The following ASTL variants were observed in gnomAD, a reference collection of about 807,000 sequenced individuals.
The protein encoded by ASTL is astacin like metalloendopeptidase.
In ASTL, 27 loss-of-function variants were observed where a neutral mutation model predicts 36.7. That is an observed-to-expected ratio of 0.73 (90% CI 0.54 to 1.01). The LOEUF (loss-of-function observed/expected upper bound fraction) is 1.01, where lower values mean the gene tolerates loss of function less well. ASTL is among the 50% of genes least tolerant of loss of function. The pLI, the probability that ASTL is intolerant of heterozygous loss-of-function variation, is 0.00. For missense variants in ASTL, 524 were observed against 572.8 expected, an observed-to-expected ratio of 0.91 and a Z score of 0.87; for synonymous variants, 222 against 228.1, an observed-to-expected ratio of 0.97 and a Z score of 0.24.
rs1465894655 is a variant in ASTL at position 96,133,425 on chromosome 2, C to T, written c.455G>A (p.Gly152Glu). The T allele has an allele frequency of 1.3e-6, 2 of 1,591,296 alleles. No homozygotes were observed. The highest frequency in any genetic ancestry group is 2.7e-5 in the African/African-American group (2 of 74,442). ...RDFISIIPMY[G>E]CFSSVGRSGG... ...TACGCATCCTGGCCCCGGCACTTACCCATACATGGGGATGATGGAAATGAA... is the reference window on the plus strand; with the variant it reads ...TACGCATCCTGGCCCCGGCACTTACTCATACATGGGGATGATGGAAATGAA... Residue 152 changes from glycine (G) to glutamate (E), a missense_variant and splice_region_variant, in exon 5 of 9, where the codon GGG becomes GAG. By Grantham distance (98) the Gly-to-Glu change is moderately conservative. Transcript: ENST00000342380.
chr2:96,138,286 C>T lies in ASTL; in HGVS notation c.55+96G>A, dbSNP rs1276795259. On this transcript the variant is annotated intron_variant, in intron 1 of 8. Transcript: ENST00000342380. The stretch of plus-strand genomic sequence containing the variant: ...CTGTGCTCTGAGCTACTGAGCTCAG[C>T]TACAATCCCTGCAGGCTCCAGCCAC... 4 of 1,195,078 alleles carry T rather than the reference C, an allele frequency of 3.3e-6. No individual in the cohort carries two copies. In the East Asian group the frequency reaches 7.6e-5, roughly 23 times the overall value. The allele number at this position is 1,195,078 out of a possible 1,614,324, so 74.0% of individuals were successfully genotyped here.
At chr2:96,125,517 C>A (rs528242529) in intron 8 of ASTL, among the ~76,000 whole-genome samples, 24 of 152,314 alleles carry the variant, frequency 1.6e-4, no homozygotes, top group African/African-American at 5.8e-4. Context: ...ATCCACCCCT[C>A]TCCTCCAGCA....
chr2:96,134,103 C>A, intron 3 of ASTL, 45 bp from the exon 4 acceptor site: 4 of 1,385,254 alleles, frequency 2.9e-6, no homozygotes, highest in East Asian at 2.3e-5. Context: ...AGAGGCCACC[C>A]AAGCTTTGTG....
At chr2:96,136,969 T>A (rs956877626) in intron 2 of ASTL, among the ~76,000 whole-genome samples, 15 of 152,264 alleles carry the variant, frequency 9.9e-5, no homozygotes, top group Admixed American at 2.6e-4. Context: ...CTCAGCCTCC[T>A]GAGTAGCTGG....
At chr2:96,137,842 A>C in intron 1 of ASTL, 142 bp from the exon 2 acceptor site, 2 of 805,612 alleles carry the variant, frequency 2.5e-6, no homozygotes, top group Non-Finnish European at 3.8e-6. Flanking sequence ...AAAGCCAAGG[A>C]GCCTTCCCAG....
In ASTL at chr2:96,132,775, A is replaced by G; in HGVS notation, c.456-54T>C. 1 of 1,512,666 alleles carries G rather than the reference A, an allele frequency of 6.6e-7. No individual in the cohort carries two copies. Among genetic ancestry groups the G allele is most frequent in the Non-Finnish European group, 9.0e-7 (1 of 1,107,636 alleles). The allele number at this position is 1,512,666 out of a possible 1,614,324, so 93.7% of individuals were successfully genotyped here. A position where few individuals can be genotyped will look rare whatever the true frequency, so the allele number is the denominator to read the frequency against. On this transcript the variant is annotated intron_variant, in intron 5 of 8. Coordinates refer to ENST00000342380, the MANE Select transcript of ASTL (RefSeq NM_001002036.4). The surrounding 1 kb of genome is among the most constrained non-coding windows in gnomAD (Gnocchi z 5.4). The stretch of plus-strand genomic sequence containing the variant: ...AGTGCCAGCCCAGATCCCTCCGGAC[A>G]TACAGACCTGGGCTCTCCCTCCCCA...
At chr2:96,136,104 C>T (rs1381971890) in intron 2 of ASTL, among the ~76,000 whole-genome samples, 1 of 152,242 alleles carries the variant, frequency 6.6e-6, no homozygotes, top group Admixed American at 6.5e-5. Context: ...CTCCCTGAGC[C>T]GGGTCTCCCA....
chr2:96,135,386 T>C lies in ASTL; in HGVS notation c.208A>G (p.Ser70Gly), dbSNP rs1250674486. 6.2e-7 allele frequency: 1 copy of C among 1,614,146 alleles called. No homozygotes were observed. Among genetic ancestry groups the C allele is most frequent in the Non-Finnish European group, 8.5e-7 (1 of 1,180,004 alleles). The change falls in exon 3 of 9, where the codon AGC becomes GGC. Residue 70 changes from serine to glycine, a missense_variant. Physicochemically the swap from Ser to Gly is moderately conservative, Grantham distance 56. Transcript: ENST00000342380. ...ATGTCCCCCTCGATGAGGAAGCTGC[T>C]CTCTGGGGTTTCTTCCAGGATGAGC... ...QGLILEETPE[S>G]SFLIEGDIIR... is the part of the protein sequence containing the mutation.
chr2:96,137,435 C>T lies in ASTL; in HGVS notation c.181+140G>A. 4.1e-6 allele frequency: 4 copies of T among 972,360 alleles called. No homozygotes were observed. In the East Asian group the frequency reaches 9.8e-5, roughly 24 times the overall value. The allele number at this position is 972,360 out of a possible 1,614,324, so 60.2% of individuals were successfully genotyped here. A position where few individuals can be genotyped will look rare whatever the true frequency, so the allele number is the denominator to read the frequency against. On this transcript the variant is annotated intron_variant, in intron 2 of 8. Coordinates refer to ENST00000342380, the MANE Select transcript of ASTL (RefSeq NM_001002036.4). ...GCCGGGGCAATATAGCAACACCACT[C>T]CATCTCTTAAAAACCACTTAGAGCC...
At chr2:96,126,639 C>T (rs1188147000) in intron 8 of ASTL, among the ~76,000 whole-genome samples, 2 of 152,038 alleles carry the variant, frequency 1.3e-5, no homozygotes, top group South Asian at 2.1e-4. Flanking sequence ...GGGTAGATCA[C>T]GAGGTCAGGA....
chr2:96,136,470 G>A (rs564319869), intron 2 of ASTL, among the ~76,000 whole-genome samples: 2 of 152,362 alleles, frequency 1.3e-5, no homozygotes, highest in East Asian at 1.9e-4. Context: ...CAGCCTCACC[G>A]TAGGTGATAG....
chr2:96,126,719 G>A (rs1487817402), intron 8 of ASTL, among the ~76,000 whole-genome samples: 2 of 152,198 alleles, frequency 1.3e-5, no homozygotes, highest in Non-Finnish European at 2.9e-5. Context: ...AGCCGGGCAT[G>A]GTGGCACATA....
intron 2 of ASTL, among the ~76,000 whole-genome samples, chr2:96,137,239 C>G (rs1163965300): frequency 6.6e-6 from 1 of 152,208 alleles, no homozygotes; most frequent in Non-Finnish European, 1.5e-5. Context: ...CGCCCAGGCC[C>G]TTTAAGAGCT....
At chr2:96,127,288 G>A (rs191786523) in intron 8 of ASTL, among the ~76,000 whole-genome samples, 18 of 152,352 alleles carry the variant, frequency 1.2e-4, no homozygotes, top group African/African-American at 1.7e-4. Flanking sequence ...CCTAGGAGTA[G>A]AATCTGGGTC....
intron 6 of ASTL, among the ~76,000 whole-genome samples, chr2:96,131,256 G>T (rs1389290948): frequency 6.7e-6 from 1 of 148,234 alleles, no homozygotes; most frequent in African/African-American, 2.5e-5. Flanking sequence ...CATTGCTTTA[G>T]CTGTGAACCA....
At chr2:96,131,112 T>C (rs1682170062) in intron 6 of ASTL, among the ~76,000 whole-genome samples, 1 of 152,246 alleles carries the variant, frequency 6.6e-6, no homozygotes, top group Non-Finnish European at 1.5e-5. Context: ...TCATTAGGAA[T>C]AATTATTAGT....
rs942352751 is a variant in ASTL, at chr2:96,123,104, A to C, written c.*746T>G. Among the ~76,000 whole-genome samples the C allele has an allele frequency of 4.6e-5, 7 of 152,316 alleles. No homozygotes were observed. In the South Asian group the frequency reaches 1.5e-3, roughly 32 times the overall value. ...AGGAAGGGGGCTTTCCTGGAGGAGG[A>C]CAAGCCAGGTAACCCCAGCCCTTTC... On this transcript the variant is annotated 3_prime_UTR_variant, in exon 9 of 9. Transcript: ENST00000342380.
rs1331849297 is a variant in ASTL at position 96,132,779 on chromosome 2, A to G, written c.456-58T>C. 7 of 1,484,024 alleles carry G rather than the reference A, an allele frequency of 4.7e-6. No individual in the cohort carries two copies. In the African/African-American group the frequency reaches 8.4e-5, roughly 18 times the overall value. The allele number at this position is 1,484,024 out of a possible 1,614,324, so 91.9% of individuals were successfully genotyped here. On this transcript the variant is annotated intron_variant, in intron 5 of 8. Coordinates refer to ENST00000342380, the MANE Select transcript of ASTL (RefSeq NM_001002036.4). The surrounding 1 kb of genome is among the most constrained non-coding windows in gnomAD (Gnocchi z 5.4). ...CCAGCCCAGATCCCTCCGGACATAC[A>G]GACCTGGGCTCTCCCTCCCCACACA...
rs1682009471 is a variant in ASTL at position 96,123,959 on chromosome 2, G to A, written c.1187C>T (p.Thr396Ile). Residue 396 changes from threonine to isoleucine, a missense_variant, in exon 9 of 9, where the codon ACA becomes ATA. By Grantham distance (89) the Thr-to-Ile change is moderately conservative (BLOSUM62 -1). Transcript: ENST00000342380. ...SWLAGVSTKPTVPSSEAGIQP... is the reference protein window; with the variant it reads ...SWLAGVSTKPIVPSSEAGIQP... ...GATTCCTGCTTCTGAAGATGGGACT[G>A]TGGGCTTGGTGGACACTCCGGCCAG... 1.2e-6 allele frequency: 2 copies of A among 1,614,040 alleles called. No homozygotes were observed. Among genetic ancestry groups the A allele is most frequent in the Admixed American group, 1.7e-5 (1 of 60,026 alleles).
Sources: allele counts gnomAD v4.1 joint callset (sites outside exome capture counted in the v4.1 genomes callset), GRCh38; gene constraint gnomAD v4.1.1; non-coding constraint Gnocchi (gnomAD v3.1); transcripts MANE v1.5; gene names NCBI Gene and HGNC (gene_info 2026-07-23, HGNC 2026-07-21).